Variants in GABPB2 observed in about 807,000 individuals in gnomAD.
GABPB2 encodes GA-binding protein subunit beta-2.
GABPB2 carries 23 observed loss-of-function variants against 39.1 expected under a neutral mutation model. The observed-to-expected ratio is 0.59, with a 90% CI of 0.42 to 0.83. GABPB2 has a LOEUF of 0.83. Among genes scored for constraint, GABPB2 ranks in the 40% least tolerant of loss-of-function variants. GABPB2 has a pLI of 0.00. For synonymous variants in GABPB2, 184 were observed against 199.3 expected (o/e 0.92, Z 0.65); for missense variants, 467 against 541.1 (o/e 0.86, Z 1.36).
At chr1:151,084,208 A>G (rs1439498145) in intron 1 of GABPB2, among the ~76,000 whole-genome samples, 1 of 150,656 alleles carries the variant, frequency 6.6e-6, no homozygotes, top group Non-Finnish European at 1.5e-5. Flanking sequence ...CACTGTGCCC[A>G]GCTGTTTTTT....
intron 3 of GABPB2, among the ~76,000 whole-genome samples, chr1:151,091,289 T>C (rs1444926156): frequency 5.3e-5 from 8 of 151,284 alleles, no homozygotes. Flanking sequence ...GGTTTCACCA[T>C]GTTGCCCAGG....
At chr1:151,088,490 CTG>C (rs1165626133) in intron 2 of GABPB2, 193 bp downstream of exon 2, 4 of 1,311,576 alleles carry the variant, frequency 3.0e-6, no homozygotes, top group Non-Finnish European at 4.1e-6. Flanking sequence ...TGAGAGTCTC[CTG>C]TGGATATATA....
rs2101537234 is a variant in GABPB2, at chr1:151,103,591, T to G, written c.652T>G (p.Ser218Ala). The change falls in exon 6 of 9, where the codon TCA becomes GCA. Residue 218 changes from serine (S) to alanine (A), a missense_variant. Physicochemically the swap from Ser to Ala is moderately conservative, Grantham distance 99. Transcript: ENST00000368918. ...CCCCCATGCCTCAACAGTACAGTTT[T>G]CAAATTCTACCACCTCAGTGCTGGC... ...GDPHASTVQF[S>A]NSTTSVLATL... The G allele has an allele frequency of 6.2e-7, 1 of 1,614,114 alleles. No individual in the cohort carries two copies. Among genetic ancestry groups the G allele is most frequent in the East Asian group, 2.2e-5 (1 of 44,880 alleles).
At chr1:151,099,300 C>A (rs910818792) in intron 5 of GABPB2, among the ~76,000 whole-genome samples, 12 of 151,762 alleles carry the variant, frequency 7.9e-5, no homozygotes, top group Admixed American at 6.6e-5. Flanking sequence ...CGGGTTCAAG[C>A]GATTCTCCTG....
intron 6 of GABPB2, among the ~76,000 whole-genome samples, chr1:151,105,754 C>T (rs141582617): frequency 0.012 from 1,820 of 152,266 alleles, 45 homozygotes; most frequent in African/African-American, 0.041. Context: ...GTCCTCCTGC[C>T]GTGGCCTCCC....
chr1:151,117,156 T>C (rs1680942350), intron 7 of GABPB2, among the ~76,000 whole-genome samples: 1 of 152,204 alleles, frequency 6.6e-6, no homozygotes, highest in African/African-American at 2.4e-5. Flanking sequence ...TATATTTTAC[T>C]TTCTCTTTCT....
chr1:151,098,049 A>G lies in GABPB2; in HGVS notation c.622+47A>G, dbSNP rs747119533. ...ATTTATTTTAGACTCAAAAAAGAACAGAACCCTAGATTTTCCAGGAGATGA... is the reference window on the plus strand; with the variant it reads ...ATTTATTTTAGACTCAAAAAAGAACGGAACCCTAGATTTTCCAGGAGATGA... On this transcript the variant is annotated intron_variant, in intron 5 of 8. Coordinates refer to ENST00000368918, the MANE Select transcript of GABPB2 (RefSeq NM_144618.3). 6 of 1,561,200 alleles carry G rather than the reference A, an allele frequency of 3.8e-6. No homozygotes were observed. In the South Asian group the frequency reaches 6.7e-5, roughly 17 times the overall value.
At chr1:151,072,169 GTAATTACTC>G (rs1254924554) in intron 1 of GABPB2, among the ~76,000 whole-genome samples, 2 of 152,176 alleles carry the variant, frequency 1.3e-5, no homozygotes, top group Non-Finnish European at 2.9e-5. Context: ...ATAAACAAAA[GTAATTACTC>G]TAATTATCTT....
At chr1:151,078,898 C>T (rs1485269110) in intron 1 of GABPB2, among the ~76,000 whole-genome samples, 1 of 151,850 alleles carries the variant, frequency 6.6e-6, no homozygotes, top group South Asian at 2.1e-4. Flanking sequence ...TCTCCAACTC[C>T]TGCCCTCAAG....
At chr1:151,088,916 C>T (rs996734407) in intron 2 of GABPB2, among the ~76,000 whole-genome samples, 5 of 151,914 alleles carry the variant, frequency 3.3e-5, no homozygotes, top group African/African-American at 9.7e-5. Flanking sequence ...AGGAGAATCG[C>T]GTGAACTCGG....
At chr1:151,077,442 T>C (rs12039334) in intron 1 of GABPB2, among the ~76,000 whole-genome samples, 116,500 of 148,092 alleles carry the variant, frequency 0.79, 45,982 homozygotes, top group East Asian at 0.91. Flanking sequence ...CTGCAGCCTC[T>C]ACCTCCCGGA....
chr1:151,109,343 A>AAT (rs761186052), intron 7 of GABPB2, among the ~76,000 whole-genome samples: 37 of 133,130 alleles, frequency 2.8e-4, no homozygotes, highest in Admixed American at 1.1e-3. Context: ...TATATACACA[A>AAT]ATATATATAT....
chr1:151,082,975 C>CAA (rs751689061), intron 1 of GABPB2, among the ~76,000 whole-genome samples: 1 of 116,786 alleles, frequency 8.6e-6, no homozygotes, highest in Non-Finnish European at 1.8e-5. Flanking sequence ...GACCCTGTCT[C>CAA]AAAAAAAAAA....
In GABPB2 at chr1:151,115,354, G is replaced by A. The variant is rs368690012; in HGVS notation, c.923-2038G>A. Among the ~76,000 whole-genome samples, 56 of 151,438 alleles carry A rather than the reference G, an allele frequency of 3.7e-4. No individual in the cohort carries two copies. The East Asian group carries it at 7.6e-3, about 21-fold the overall frequency. ...GCCTGAATAATAAGAATGAAACTCC[G>A]TCTCAAAAGAAGGAAGGAAAGAAAG... is the stretch of plus-strand genomic sequence containing the variant. On this transcript the variant is annotated intron_variant, in intron 7 of 8. Transcript: ENST00000368918.
intron 2 of GABPB2, chr1:151,088,556 G>C (rs1027911075): frequency 1.2e-6 from 1 of 811,026 alleles, no homozygotes; most frequent in African/African-American, 1.8e-5. Context: ...GTTTTTTAGA[G>C]TATTTTCTAA....
intron 1 of GABPB2, among the ~76,000 whole-genome samples, chr1:151,079,768 T>C (rs1362783894): frequency 1.3e-5 from 2 of 151,560 alleles, no homozygotes; most frequent in African/African-American, 4.9e-5. Flanking sequence ...TGGTGACACA[T>C]GCCTGTAATA....
rs1225655479 is a variant in GABPB2, at chr1:151,124,143, T to C, written c.*5887T>C. The C allele has an allele frequency of 1.4e-5, 2 of 140,120 alleles. No homozygotes were observed. Among genetic ancestry groups the C allele is most frequent in the East Asian group, 4.1e-4 (2 of 4,868 alleles). The allele number at this position is 140,120 out of a possible 1,614,324, so 8.7% of individuals were successfully genotyped here. On this transcript the variant is annotated 3_prime_UTR_variant, in exon 9 of 9. Coordinates refer to ENST00000368918, the MANE Select transcript of GABPB2 (RefSeq NM_144618.3). ...AAAAAAGAAATATCAGTTTGAGAAATGATTTTTTTTTCTTTTTTCTTTTCT... is the reference window on the plus strand; with the variant it reads ...AAAAAAGAAATATCAGTTTGAGAAACGATTTTTTTTTCTTTTTTCTTTTCT...
In GABPB2 at chr1:151,111,172, C is replaced by T. The variant is rs1015566718; in HGVS notation, c.922+3950C>T. 5.9e-5 allele frequency among the ~76,000 whole-genome samples: 9 copies of T among 151,848 alleles called. No homozygotes were observed. The South Asian group carries it at 8.3e-4, about 14-fold the overall frequency. On this transcript the variant is annotated intron_variant, in intron 7 of 8. Coordinates refer to ENST00000368918, the MANE Select transcript of GABPB2 (RefSeq NM_144618.3). ...GGCCCCAGCCTGGAGTGCAGTGGCA[C>T]GATCATGACTTACGGCAGTCTTGAT...
chr1:151,081,370 T>C lies in GABPB2; in HGVS notation c.1-6820T>C, dbSNP rs1571896359. On this transcript the variant is annotated intron_variant, in intron 1 of 8. Coordinates refer to ENST00000368918, the MANE Select transcript of GABPB2 (RefSeq NM_144618.3). ...CAGGCATGGTGGTGCACACCTGTAATGCCAGCTACTTGGGAGGCTGAGGCA... is the reference window on the plus strand; with the variant it reads ...CAGGCATGGTGGTGCACACCTGTAACGCCAGCTACTTGGGAGGCTGAGGCA... Among the ~76,000 whole-genome samples the C allele has an allele frequency of 2.0e-5, 3 of 152,052 alleles. No homozygotes were observed. In the South Asian group the frequency reaches 6.2e-4, roughly 31 times the overall value.
Sources: gnomAD v4.1 joint callset for allele counts (sites outside exome capture counted in the v4.1 genomes callset) on GRCh38, gnomAD v4.1.1 for gene constraint, MANE v1.5 for transcripts, NCBI Gene and HGNC (gene_info 2026-07-23, HGNC 2026-07-21) for gene names.